Variants in NAV2 observed in about 807,000 individuals in gnomAD.
NAV2 encodes neuron navigator 2, also known as helicase, APC down-regulated 1.
In NAV2, 54 loss-of-function variants were observed where a neutral mutation model predicts 223.2. That is an observed-to-expected ratio of 0.24 (90% confidence interval 0.19 to 0.30). The LOEUF (loss-of-function observed/expected upper bound fraction) is 0.30, where lower values mean the gene tolerates loss of function less well. NAV2 is among the 10% of genes least tolerant of loss of function. The probability of loss-of-function intolerance (pLI) is 1.00; values close to 1 mark genes in which losing one functional copy is unlikely to be tolerated. For missense variants in NAV2, 2,806 were observed against 3,147.5 expected, an observed-to-expected ratio of 0.89 and a Z score of 2.60; for synonymous variants, 1,279 against 1,239.3, an observed-to-expected ratio of 1.03 and a Z score of -0.67.
intron 1 of NAV2, among the ~76,000 whole-genome samples, chr11:19,701,009 T>C (rs10741794): frequency 0.65 from 99,354 of 152,106 alleles, 37,250 homozygotes; most frequent in Middle Eastern, 0.82. Flanking sequence ...CACAAGAACT[T>C]TGTGAAATAG....
intron 10 of NAV2, among the ~76,000 whole-genome samples, chr11:19,959,830 C>T (rs992362912): frequency 5.3e-5 from 8 of 152,138 alleles, no homozygotes; most frequent in South Asian, 2.1e-4. Context: ...GAGAGAAGCC[C>T]GCTGTGACTA....
intron 1 of NAV2, among the ~76,000 whole-genome samples, chr11:19,664,770 T>C (rs185889660): frequency 3.0e-4 from 45 of 152,324 alleles, no homozygotes; most frequent in Non-Finnish European, 8.8e-5. Flanking sequence ...TGGAGGAGAA[T>C]GTTGAGTTCC....
At chr11:20,023,879 C>T (rs1007019857) in intron 11 of NAV2, among the ~76,000 whole-genome samples, 3 of 152,142 alleles carry the variant, frequency 2.0e-5, no homozygotes, top group Non-Finnish European at 2.9e-5. Flanking sequence ...TCATGACCAC[C>T]TACCACATGC....
chr11:19,864,903 T>C (rs962900162), intron 3 of NAV2, among the ~76,000 whole-genome samples: 2 of 152,138 alleles, frequency 1.3e-5, no homozygotes, highest in African/African-American at 4.8e-5. Context: ...TGGTAGTCCC[T>C]CTCCTGGGTT....
intron 1 of NAV2, among the ~76,000 whole-genome samples, chr11:19,408,439 G>A (rs938760077): frequency 6.6e-5 from 10 of 152,192 alleles, no homozygotes; most frequent in Admixed American, 1.3e-4. Flanking sequence ...AATATTGTAT[G>A]TGGTTTCCCA....
At chr11:19,417,158 C>A (rs1266719630) in intron 1 of NAV2, among the ~76,000 whole-genome samples, 1 of 152,112 alleles carries the variant, frequency 6.6e-6, no homozygotes, top group Non-Finnish European at 1.5e-5. Flanking sequence ...AATGAACAGG[C>A]AACCTACAGA....
At chr11:19,963,667 C>T (rs1335621475) in intron 10 of NAV2, among the ~76,000 whole-genome samples, 1 of 152,140 alleles carries the variant, frequency 6.6e-6, no homozygotes, top group East Asian at 1.9e-4. Flanking sequence ...TTCTCTTTGC[C>T]TCGAAAGCAA....
chr11:19,837,771 T>C (rs918459919), intron 2 of NAV2, among the ~76,000 whole-genome samples: 2 of 152,174 alleles, frequency 1.3e-5, no homozygotes, highest in African/African-American at 4.8e-5. Flanking sequence ...TAAAGAGATG[T>C]GACAGCTAAA....
Position 19,868,848 on chromosome 11 carries a change from C to T in NAV2, c.439-77C>T. ...GGCCGTTTTTACAGCATTCTGTTTT[C>T]CCATTGTTCCTCATAAGAGATGGCT... On this transcript the variant is annotated intron_variant, in intron 3 of 37. Coordinates refer to ENST00000349880, the MANE Select transcript of NAV2 (RefSeq NM_145117.5). 4 of 1,413,152 alleles carry T rather than the reference C, an allele frequency of 2.8e-6. No individual in the cohort carries two copies. The South Asian group carries it at 3.6e-5, about 13-fold the overall frequency. 87.5% of individuals were successfully genotyped at this position (1,413,152 alleles called of 1,614,324 possible). A position where few individuals can be genotyped will look rare whatever the true frequency, so the allele number is the denominator to read the frequency against.
intron 11 of NAV2, among the ~76,000 whole-genome samples, chr11:20,012,692 GAA>G (rs374072441): frequency 0.012 from 47 of 3,780 alleles, 1 homozygote; most frequent in Non-Finnish European, 0.02. Context: ...AAAAAAAAAA[GAA>G]GGGGGAAAAG....
chr11:19,864,141 C>A (rs2707094), intron 3 of NAV2, among the ~76,000 whole-genome samples: 108,183 of 152,126 alleles, frequency 0.71, 38,979 homozygotes, highest in East Asian at 0.86. Flanking sequence ...TGTGACCATG[C>A]CTGACTTTAA....
intron 1 of NAV2, among the ~76,000 whole-genome samples, chr11:19,629,505 A>G (rs906583076): frequency 1.3e-5 from 2 of 151,406 alleles, no homozygotes; most frequent in African/African-American, 4.9e-5. Flanking sequence ...ACAGACACAC[A>G]CACTCTTTGC....
chr11:19,792,097 A>G (rs1428944125), intron 1 of NAV2, among the ~76,000 whole-genome samples: 1 of 152,222 alleles, frequency 6.6e-6, no homozygotes, highest in Non-Finnish European at 1.5e-5. Context: ...ATATACATGC[A>G]TGGCAATTTA....
chr11:19,911,768 G>T (rs1347725484), intron 6 of NAV2, among the ~76,000 whole-genome samples: 1 of 152,166 alleles, frequency 6.6e-6, no homozygotes, highest in African/African-American at 2.4e-5. Context: ...AAGGCGGAAA[G>T]ACTCCAAACT....
chr11:20,112,711 T>C (rs2062742227), intron 36 of NAV2, among the ~76,000 whole-genome samples: 2 of 152,100 alleles, frequency 1.3e-5, no homozygotes, highest in Admixed American at 1.3e-4. Flanking sequence ...GAAAAAGGCC[T>C]GGCAAAGGAA....
At chr11:19,715,558 A>C (rs113902974) in intron 1 of NAV2, among the ~76,000 whole-genome samples, 1 of 152,232 alleles carries the variant, frequency 6.6e-6, no homozygotes, top group African/African-American at 2.4e-5. Flanking sequence ...GAGGAATGAG[A>C]GGGAAAGTCC....
At chr11:20,037,221 A>G (rs1389515092) in intron 12 of NAV2, among the ~76,000 whole-genome samples, 1 of 151,954 alleles carries the variant, frequency 6.6e-6, no homozygotes, top group African/African-American at 2.4e-5. Flanking sequence ...TCTCAGAGCA[A>G]CCTTGCGGGG....
Position 20,023,724 on chromosome 11 carries a change from G to GTGTA in NAV2, c.2769-12232_2769-12231insATGT, listed in dbSNP as rs1554902412. Among the ~76,000 whole-genome samples the GTGTA allele has an allele frequency of 1.2e-3, 183 of 152,026 alleles. 1 individual carries two copies. The highest frequency in any genetic ancestry group is 4.3e-3 in the African/African-American group (177 of 41,446). ...GGTGTGTGTGTGTGTGTGTGTGTGT[G>GTGTA]TGTGTGTGTGTAAACTAGGCTCCAG... On this transcript the variant is annotated intron_variant, in intron 11 of 37. Transcript: ENST00000349880.
At chr11:19,568,643 C>CAG (rs1457644218) in intron 1 of NAV2, among the ~76,000 whole-genome samples, 1 of 152,182 alleles carries the variant, frequency 6.6e-6, no homozygotes, top group Non-Finnish European at 1.5e-5. Context: ...AAGCACCTCC[C>CAG]AGGTAGGTCT....
Sources: gnomAD v4.1 joint callset for allele counts (sites outside exome capture counted in the v4.1 genomes callset) on GRCh38, gnomAD v4.1.1 for gene constraint, MANE v1.5 for transcripts, NCBI Gene and HGNC (gene_info 2026-07-23, HGNC 2026-07-21) for gene names.